Variants in HMGCLL1 observed in about 807,000 individuals in gnomAD.
The protein encoded by HMGCLL1 is 3-hydroxymethyl-3-methylglutaryl-CoA lyase, cytoplasmic.
A neutral mutation model predicts 39.1 loss-of-function variants in HMGCLL1; 36 were observed. That is an observed-to-expected ratio of 0.92 (90% CI 0.71 to 1.22). The LOEUF (loss-of-function observed/expected upper bound fraction) is 1.22, where lower values mean the gene tolerates loss of function less well. Ranked by LOEUF, HMGCLL1 falls within the 50% of genes most tolerant of loss-of-function variation. HMGCLL1 has a pLI of 0.00. For synonymous variants in HMGCLL1, 149 were observed against 144.0 expected (o/e 1.03, Z -0.25); for missense variants, 451 against 416.5 (o/e 1.08, Z -0.72).
chr6:55,576,965 G>T (rs866711326), intron 1 of HMGCLL1: 3 of 1,386,276 alleles, frequency 2.2e-6, no homozygotes, highest in Middle Eastern at 1.8e-4. Flanking sequence ...ATAGGGGAAT[G>T]TAAGTCTAGA....
chr6:55,474,600 A>G (rs1038836524), intron 7 of HMGCLL1, among the ~76,000 whole-genome samples: 5 of 151,394 alleles, frequency 3.3e-5, no homozygotes, highest in East Asian at 1.9e-4. Context: ...CATCATTCCA[A>G]TATCTGTGTC....
At chr6:55,627,189 A>C in the HMGCLL1 span, among the ~76,000 whole-genome samples, 1 of 152,008 alleles carries the variant, frequency 6.6e-6, no homozygotes, top group Admixed American at 6.6e-5. Context: ...GAAGATTGTA[A>C]CTGTCATGAG....
At chr6:55,615,579 A>G in the HMGCLL1 span, among the ~76,000 whole-genome samples, 3 of 152,196 alleles carry the variant, frequency 2.0e-5, no homozygotes, top group African/African-American at 4.8e-5. Flanking sequence ...GGCTTACAAC[A>G]TATTAATTTA....
At chr6:55,565,238 C>T (rs1029476100) in intron 1 of HMGCLL1, among the ~76,000 whole-genome samples, 1 of 152,026 alleles carries the variant, frequency 6.6e-6, no homozygotes, top group Middle Eastern at 3.4e-3. Flanking sequence ...GTTTTATTAA[C>T]TCTCTGAGCC....
At chr6:55,665,911 T>A in the HMGCLL1 span, among the ~76,000 whole-genome samples, 18 of 151,860 alleles carry the variant, frequency 1.2e-4, no homozygotes, top group Admixed American at 1.1e-3. Context: ...ATACCTACTA[T>A]AAAGTTGGGC....
chr6:55,675,257 A>G, the HMGCLL1 span, among the ~76,000 whole-genome samples: 21 of 152,244 alleles, frequency 1.4e-4, no homozygotes, highest in African/African-American at 5.1e-4. Flanking sequence ...AAAAGAAAAA[A>G]TACTAGAGAA....
chr6:55,672,937 T>C, the HMGCLL1 span, among the ~76,000 whole-genome samples: 1 of 151,980 alleles, frequency 6.6e-6, no homozygotes, highest in Non-Finnish European at 1.5e-5. Flanking sequence ...TTCTTAAGTA[T>C]GTCAGGACTA....
At chr6:55,599,319 T>C in the HMGCLL1 span, among the ~76,000 whole-genome samples, 5 of 152,142 alleles carry the variant, frequency 3.3e-5, no homozygotes, top group African/African-American at 7.2e-5. Flanking sequence ...GTAGTATGCA[T>C]TTGTTAATTC....
intron 5 of HMGCLL1, among the ~76,000 whole-genome samples, chr6:55,505,228 G>A (rs1219957801): frequency 6.6e-6 from 1 of 151,628 alleles, no homozygotes; most frequent in African/African-American, 2.4e-5. Context: ...ATTATCCCAT[G>A]TTCCTCCAAT....
intron 7 of HMGCLL1, among the ~76,000 whole-genome samples, chr6:55,458,526 T>C (rs1252213084): frequency 6.6e-6 from 1 of 152,110 alleles, no homozygotes; most frequent in Non-Finnish European, 1.5e-5. Context: ...TAATAGTGTG[T>C]TAGGCAAAAA....
At chr6:55,507,660 ACT>A (rs958238174) in intron 5 of HMGCLL1, among the ~76,000 whole-genome samples, 3 of 151,626 alleles carry the variant, frequency 2.0e-5, no homozygotes, top group African/African-American at 7.3e-5. Context: ...CTGGCTTTTG[ACT>A]CTGTCTCCAG....
intron 1 of HMGCLL1, among the ~76,000 whole-genome samples, chr6:55,546,184 T>C (rs1357468053): frequency 6.6e-6 from 1 of 152,168 alleles, no homozygotes; most frequent in Non-Finnish European, 1.5e-5. Context: ...ATTAACTCCA[T>C]TAATATCCAA....
At chr6:55,665,980 CA>C in the HMGCLL1 span, among the ~76,000 whole-genome samples, 1 of 151,680 alleles carries the variant, frequency 6.6e-6, no homozygotes, top group African/African-American at 2.4e-5. Context: ...CATATTGTCT[CA>C]CAATAACCAT....
At chr6:55,617,825 C>G in the HMGCLL1 span, among the ~76,000 whole-genome samples, 2 of 152,010 alleles carry the variant, frequency 1.3e-5, no homozygotes, top group Non-Finnish European at 2.9e-5. Context: ...AATATATGTA[C>G]AAGTAGGTCC....
the HMGCLL1 span, among the ~76,000 whole-genome samples, chr6:55,634,984 C>T: frequency 2.2e-4 from 33 of 151,886 alleles, no homozygotes; most frequent in Admixed American, 2.1e-3. Context: ...TAAATAAATC[C>T]CTGAATATAA....
Position 55,434,914 on chromosome 6 carries a change from CA to C in HMGCLL1, c.*747del, listed in dbSNP as rs10706970. The C allele has an allele frequency of 0.98, 149,078 of 151,890 alleles. 73,215 individuals carry two copies. The highest frequency in any genetic ancestry group is 1 in the South Asian group (4,821 of 4,822). The allele number at this position is 151,890 out of a possible 1,614,324, so 9.4% of individuals were successfully genotyped here. Reference sequence around the variant, plus strand: ...TATCACTGCAATTTAGACATCAGGACAAAAAAAAATAGCTTACAATTTCTCA... The same window carrying C: ...TATCACTGCAATTTAGACATCAGGACAAAAAAAATAGCTTACAATTTCTCA... On this transcript the variant is annotated 3_prime_UTR_variant, in exon 9 of 9. Coordinates refer to ENST00000274901, the MANE Select transcript of HMGCLL1 (RefSeq NM_001042406.2).
chr6:55,435,962 T>C (rs1763353693), intron 8 of HMGCLL1, among the ~76,000 whole-genome samples, 199 bp from the exon 9 acceptor site: 1 of 152,070 alleles, frequency 6.6e-6, no homozygotes, highest in Admixed American at 6.6e-5. Context: ...TCTGCTTTAT[T>C]ACAGCATATC....
intron 1 of HMGCLL1, among the ~76,000 whole-genome samples, chr6:55,543,467 TATCATATATAA>T (rs1769736708): frequency 1.0e-4 from 1 of 9,670 alleles, no homozygotes; most frequent in South Asian, 3.7e-3. Context: ...ATATCATATA[TATCATATATAA>T]TATATATATG....
rs926122852 is a variant in HMGCLL1, at chr6:55,434,683, C to T, written c.*979G>A. The T allele has an allele frequency of 2.6e-5, 4 of 151,994 alleles. No homozygotes were observed. Among genetic ancestry groups the T allele is most frequent in the African/African-American group, 7.2e-5 (3 of 41,426 alleles). 9.4% of individuals were successfully genotyped at this position (151,994 alleles called of 1,614,324 possible). A position where few individuals can be genotyped will look rare whatever the true frequency, so the allele number is the denominator to read the frequency against. On this transcript the variant is annotated 3_prime_UTR_variant, in exon 9 of 9. Coordinates refer to ENST00000274901, the MANE Select transcript of HMGCLL1 (RefSeq NM_001042406.2). ...AATTCTAAGACAATAGACAAAATTT[C>T]AGCCACTTCAACTTCTAAAATAACC...
Sources: gnomAD v4.1 joint callset for allele counts (sites outside exome capture counted in the v4.1 genomes callset) on GRCh38, gnomAD v4.1.1 for gene constraint, MANE v1.5 for transcripts, NCBI Gene and HGNC (gene_info 2026-07-23, HGNC 2026-07-21) for gene names.